The following PCLAF variants were observed in gnomAD, a reference collection of about 807,000 sequenced individuals.
The protein encoded by PCLAF is PCNA-associated factor.
In PCLAF, 12 loss-of-function variants were observed where a neutral mutation model predicts 15.1. The observed-to-expected ratio is 0.79, with a 90% CI of 0.51 to 1.29. The LOEUF (loss-of-function observed/expected upper bound fraction) is 1.29, where lower values mean the gene tolerates loss of function less well. Among genes scored for constraint, PCLAF ranks in the 50% most tolerant of loss-of-function variants. The pLI, the probability that PCLAF is intolerant of heterozygous loss-of-function variation, is 0.00. For synonymous variants in PCLAF, 33 were observed against 47.1 expected (o/e 0.70, Z 1.22); for missense variants, 116 against 130.9 (o/e 0.89, Z 0.56).
At chr15:64,368,316 A>G (rs1002574666) in intron 3 of PCLAF, among the ~76,000 whole-genome samples, 1 of 152,188 alleles carries the variant, frequency 6.6e-6, no homozygotes, top group Admixed American at 6.5e-5. Context: ...ACTCTGTCTC[A>G]GTAAAAAAAA....
chr15:64,374,699 A>T (rs1899525939), intron 3 of PCLAF, among the ~76,000 whole-genome samples: 1 of 152,118 alleles, frequency 6.6e-6, no homozygotes, highest in African/African-American at 2.4e-5. Context: ...ACAAAAAATT[A>T]GCTGAACTCC....
chr15:64,382,430 A>G (rs1899847113), upstream of PCLAF: 1 of 158,380 alleles, frequency 6.3e-6, no homozygotes, highest in Non-Finnish European at 1.4e-5. Flanking sequence ...AAAAAAAAGA[A>G]AGAAAGAAAG....
At chr15:64,366,186 G>T (rs773774774) in intron 3 of PCLAF, 111 bp from the exon 4 acceptor site, 2 of 611,378 alleles carry the variant, frequency 3.3e-6, no homozygotes, top group East Asian at 3.2e-5. Context: ...AGTAGATCTG[G>T]TCTAATGACT....
At chr15:64,380,396 G>C (rs1281848888) in intron 2 of PCLAF, among the ~76,000 whole-genome samples, 1 of 151,828 alleles carries the variant, frequency 6.6e-6, no homozygotes, top group East Asian at 1.9e-4. Flanking sequence ...AAAAGAAAGA[G>C]AAAGAAAAAG....
At chr15:64,368,069 C>T (rs1899120860) in intron 3 of PCLAF, among the ~76,000 whole-genome samples, 1 of 151,532 alleles carries the variant, frequency 6.6e-6, no homozygotes, top group Non-Finnish European at 1.5e-5. Context: ...TGGCCCGGCG[C>T]GGTGGCTCAT....
intron 3 of PCLAF, among the ~76,000 whole-genome samples, chr15:64,369,488 G>A (rs1273884394): frequency 6.6e-6 from 1 of 151,542 alleles, no homozygotes; most frequent in Admixed American, 6.6e-5. Context: ...TTTAATTGCT[G>A]CTAATCTCAC....
At position 64,365,931 on chromosome 15, in the gene PCLAF, T is replaced by C; in HGVS notation, c.*99A>G. ...CCTAAATTTTTTAATTAAATGCCTG[T>C]TCAACAAAGCTAATTGGAACAAACA... On this transcript the variant is annotated 3_prime_UTR_variant, in exon 4 of 4. Coordinates refer to ENST00000300035, the MANE Select transcript of PCLAF (RefSeq NM_014736.6). The C allele has an allele frequency of 1.9e-6, 2 of 1,029,636 alleles. No individual in the cohort carries two copies. The highest frequency in any genetic ancestry group is 4.9e-5 in the East Asian group (2 of 40,580). The allele number at this position is 1,029,636 out of a possible 1,614,324, so 63.8% of individuals were successfully genotyped here. A position where few individuals can be genotyped will look rare whatever the true frequency, so the allele number is the denominator to read the frequency against.
intron 3 of PCLAF, among the ~76,000 whole-genome samples, chr15:64,372,842 G>T (rs143112521): frequency 6.6e-6 from 1 of 151,498 alleles, no homozygotes; most frequent in African/African-American, 2.4e-5. Flanking sequence ...GTGGTGGCAC[G>T]TGCCTGTAAT....
At position 64,364,496 on chromosome 15, in the gene PCLAF, A is replaced by G. The variant is rs1256080068; in HGVS notation, c.*1534T>C. ...AGCTCTTAGGAGTTTTGCCATGCCT[A>G]TGGGTTTATGGCATGATTTGCCTTT... is the stretch of plus-strand genomic sequence containing the variant. On this transcript the variant is annotated 3_prime_UTR_variant, in exon 4 of 4. Coordinates refer to ENST00000300035, the MANE Select transcript of PCLAF (RefSeq NM_014736.6). 6.6e-6 allele frequency: 1 copy of G among 152,038 alleles called. No homozygotes were observed. Among genetic ancestry groups the G allele is most frequent in the African/African-American group, 2.4e-5 (1 of 41,410 alleles). The allele number at this position is 152,038 out of a possible 1,614,324, so 9.4% of individuals were successfully genotyped here.
chr15:64,379,163 C>T (rs1165012747), intron 2 of PCLAF, among the ~76,000 whole-genome samples: 3 of 151,870 alleles, frequency 2.0e-5, no homozygotes, highest in Non-Finnish European at 2.9e-5. Context: ...GTGGACCAGA[C>T]GATGAGATGC....
chr15:64,383,893 A>C (rs1211922146), upstream of PCLAF, among the ~76,000 whole-genome samples: 1 of 151,990 alleles, frequency 6.6e-6, no homozygotes, highest in Non-Finnish European at 1.5e-5. Context: ...TTTTGTTTGC[A>C]TGTTTGTCAT....
At chr15:64,370,262 T>TG in intron 3 of PCLAF, among the ~76,000 whole-genome samples, 1 of 147,078 alleles carries the variant, frequency 6.8e-6, no homozygotes, top group Non-Finnish European at 1.5e-5. Flanking sequence ...TTTTTTTTTT[T>TG]TTGTGTAGAG....
chr15:64,375,423 A>G (rs1299024229), intron 3 of PCLAF, among the ~76,000 whole-genome samples: 1 of 150,810 alleles, frequency 6.6e-6, no homozygotes. Context: ...TGCCAGGCCT[A>G]TTTTTGAGAC....
intron 3 of PCLAF, among the ~76,000 whole-genome samples, chr15:64,374,602 T>C (rs1476210368): frequency 1.3e-5 from 2 of 151,818 alleles, no homozygotes; most frequent in Non-Finnish European, 2.9e-5. Context: ...CCCAGCACAG[T>C]GGGAGGCCAA....
upstream of PCLAF, among the ~76,000 whole-genome samples, chr15:64,384,738 T>TTA (rs1159414312): frequency 9.7e-6 from 1 of 103,572 alleles, no homozygotes; most frequent in Admixed American, 1.0e-4. Context: ...CAAGAATGTC[T>TTA]AAAAAAAAAA....
In PCLAF at chr15:64,380,501, G is replaced by A. The variant is rs148242032; in HGVS notation, c.127+457C>T. 2.4e-3 allele frequency among the ~76,000 whole-genome samples: 367 copies of A among 152,096 alleles called. 2 individuals carry two copies. Among genetic ancestry groups the A allele is most frequent in the African/African-American group, 8.5e-3 (355 of 41,530 alleles). ...GAGGATTGTTTGAGCCCAGGAGTTT[G>A]AGACCAGCTTAGGCAACATAGTGAG... On this transcript the variant is annotated intron_variant, in intron 2 of 3. Coordinates refer to ENST00000300035, the MANE Select transcript of PCLAF (RefSeq NM_014736.6).
At chr15:64,374,524 G>A (rs1301743346) in intron 3 of PCLAF, among the ~76,000 whole-genome samples, 1 of 151,230 alleles carries the variant, frequency 6.6e-6, no homozygotes, top group Admixed American at 6.6e-5. Context: ...GGGCAACAGA[G>A]CGAAACTCCG....
At chr15:64,369,314 T>C (rs1051882976) in intron 3 of PCLAF, among the ~76,000 whole-genome samples, 1 of 139,340 alleles carries the variant, frequency 7.2e-6, no homozygotes, top group African/African-American at 2.7e-5. Flanking sequence ...CGAGCTATGA[T>C]CTCACCACTG....
At chr15:64,378,390 A>C (rs1899701135) in intron 2 of PCLAF, among the ~76,000 whole-genome samples, 1 of 152,072 alleles carries the variant, frequency 6.6e-6, no homozygotes, top group Admixed American at 6.6e-5. Context: ...ATGCTTACAA[A>C]AGTTGTTTCC....
Sources: allele counts gnomAD v4.1 joint callset (sites outside exome capture counted in the v4.1 genomes callset), GRCh38; gene constraint gnomAD v4.1.1; transcripts MANE v1.5; gene names NCBI Gene and HGNC (gene_info 2026-07-23, HGNC 2026-07-21).